RPS27A: variants seen among roughly 807,000 people sequenced by gnomAD.
RPS27A encodes the protein ribosomal protein S27a.
Under a neutral mutation model 18.9 loss-of-function variants are expected in RPS27A, and 1 was observed. That is an observed-to-expected ratio of 0.05 (90% confidence interval 0.02 to 0.25). The LOEUF is 0.25. Ranked by LOEUF, RPS27A falls within the 10% of genes least tolerant of loss-of-function variation. RPS27A has a pLI of 1.00. For missense variants in RPS27A, 123 were observed against 187.4 expected, an observed-to-expected ratio of 0.66 and a Z score of 2.01; for synonymous variants, 77 against 63.7, an observed-to-expected ratio of 1.21 and a Z score of -0.99.
At chr2:55,234,479 C>T (rs1055901841) in intron 4 of RPS27A, 12 of 557,104 alleles carry the variant, frequency 2.2e-5, no homozygotes, top group African/African-American at 1.3e-4. Context: ...GGATTACAGA[C>T]GTGAGCCACT....
intron 3 of RPS27A, 28 bp downstream of exon 3, chr2:55,233,445 C>G: frequency 6.3e-7 from 1 of 1,578,828 alleles, no homozygotes; most frequent in Non-Finnish European, 8.7e-7. Flanking sequence ...GTTAAGAAAA[C>G]TTAACCTGCG....
At chr2:55,234,464 C>T (rs1418425409) in intron 4 of RPS27A, 9 of 562,812 alleles carry the variant, frequency 1.6e-5, no homozygotes, top group African/African-American at 1.3e-4. Context: ...GGCCTCCCAG[C>T]GCTGGGATTA....
At chr2:55,233,003 G>T in intron 2 of RPS27A, 131 bp downstream of exon 2, 2 of 824,800 alleles carry the variant, frequency 2.4e-6, no homozygotes, top group South Asian at 2.9e-5. Flanking sequence ...GCTTTGAAAT[G>T]AGTACCTTTT....
At chr2:55,232,773 G>T in intron 1 of RPS27A, 35 bp from the exon 2 acceptor site, 2 of 1,547,862 alleles carry the variant, frequency 1.3e-6, no homozygotes, top group Non-Finnish European at 1.8e-6. Context: ...TGTGATCCCT[G>T]ACCTAACCTG....
chr2:55,232,769 C>G, intron 1 of RPS27A, 39 bp from the exon 2 acceptor site: 1 of 1,524,858 alleles, frequency 6.6e-7, no homozygotes, highest in Non-Finnish European at 9.0e-7. Context: ...CTCTTGTGAT[C>G]CCTGACCTAA....
intron 5 of RPS27A, 200 bp downstream of exon 5, chr2:55,235,162 G>T (rs772368391): frequency 4.6e-5 from 33 of 722,872 alleles, no homozygotes; most frequent in Middle Eastern, 3.9e-4. Flanking sequence ...TTATGTAATA[G>T]GGTTCTGAGT....
intron 2 of RPS27A, 145 bp from the exon 3 acceptor site, chr2:55,233,218 A>C (rs1675582070): frequency 1.3e-6 from 1 of 761,980 alleles, no homozygotes; most frequent in African/African-American, 1.7e-5. Context: ...CCGACTTGGG[A>C]GGTTGCCCAC....
upstream of RPS27A, chr2:55,232,204 T>C (rs1434543480): frequency 3.6e-5 from 6 of 164,848 alleles, no homozygotes; most frequent in Admixed American, 2.8e-4. Context: ...CCGGAAACCA[T>C]TATTCCGCTT....
chr2:55,235,688 G>C lies in RPS27A; in HGVS notation c.*111G>C. 1 of 1,223,862 alleles carries C rather than the reference G, an allele frequency of 8.2e-7. No homozygotes were observed. The highest frequency in any genetic ancestry group is 1.2e-6 in the Non-Finnish European group (1 of 843,804). The allele number at this position is 1,223,862 out of a possible 1,614,324, so 75.8% of individuals were successfully genotyped here. A position where few individuals can be genotyped will look rare whatever the true frequency, so the allele number is the denominator to read the frequency against. On this transcript the variant is annotated 3_prime_UTR_variant, in exon 6 of 6. Transcript: ENST00000272317. Reference sequence around the variant, plus strand: ...ATGGTCACACCATTTCCTTTTAGTAGTGCTACTGCTATCGCTGTGTGAATG... The same window carrying C: ...ATGGTCACACCATTTCCTTTTAGTACTGCTACTGCTATCGCTGTGTGAATG...
At chr2:55,233,956 G>C in intron 3 of RPS27A, 163 bp from the exon 4 acceptor site, 1 of 683,978 alleles carries the variant, frequency 1.5e-6, no homozygotes, top group South Asian at 1.6e-5. Context: ...ATTAAATGCG[G>C]TAAAATGTGA....
At position 55,235,794 on chromosome 2, in the gene RPS27A, A is replaced by T. The variant is rs1428283811; in HGVS notation, c.*217A>T. ...ACTTGTAAAGGTCTTGATATTTTCA[A>T]TTCTTAGACTACCTATACTTTGGCA... On this transcript the variant is annotated 3_prime_UTR_variant, in exon 6 of 6. Transcript: ENST00000272317. 2 of 596,666 alleles carry T rather than the reference A, an allele frequency of 3.4e-6. No individual in the cohort carries two copies. The highest frequency in any genetic ancestry group is 1.9e-5 in the African/African-American group (1 of 53,766). The allele number at this position is 596,666 out of a possible 1,614,324, so 37.0% of individuals were successfully genotyped here.
upstream of RPS27A, chr2:55,232,340 A>C: frequency 4.1e-6 from 1 of 244,762 alleles, no homozygotes; most frequent in South Asian, 4.8e-5. Flanking sequence ...GGTAGAAGAA[A>C]GCAGTGGAGA....
rs757196214 is a variant in RPS27A at position 55,235,460 on chromosome 2, T to C, written c.354T>C (p.Arg118=). 1 of 1,611,972 alleles carries C rather than the reference T, an allele frequency of 6.2e-7. No homozygotes were observed. Among genetic ancestry groups the C allele is most frequent in the Non-Finnish European group, 8.5e-7 (1 of 1,179,912 alleles). The change falls in exon 6 of 6, where the codon CGT becomes CGC. Residue 118 remains arginine (R), a synonymous_variant. Coordinates refer to ENST00000272317, the MANE Select transcript of RPS27A (RefSeq NM_002954.6). The part of the protein sequence containing the change: ...VDENGKISRL[R]RECPSDECGA... ...AGAATGGCAAAATTAGTCGCCTTCG[T>C]CGAGAGTGCCCTTCTGATGAATGTG...
chr2:55,233,099 G>C (rs905805240), intron 2 of RPS27A: 1 of 641,746 alleles, frequency 1.6e-6, no homozygotes, highest in Non-Finnish European at 2.8e-6. Flanking sequence ...TAGTTAAAAC[G>C]GAGGAGCTGC....
upstream of RPS27A, chr2:55,232,565 C>A (rs1316396812): frequency 1.1e-5 from 6 of 570,326 alleles, no homozygotes; most frequent in African/African-American, 3.8e-5. Context: ...AAGTTCACGT[C>A]CTAGTCTGGC....
Position 55,232,787 on chromosome 2 carries a change from C to G in RPS27A, c.-17-21C>G, listed in dbSNP as rs543843126. Reference sequence around the variant, plus strand: ...TTGTGATCCCTGACCTAACCTGTCTCTTCCTTTTCCTCAACCTCAGGTGGA... The same window carrying G: ...TTGTGATCCCTGACCTAACCTGTCTGTTCCTTTTCCTCAACCTCAGGTGGA... On this transcript the variant is annotated intron_variant, in intron 1 of 5. Transcript: ENST00000272317. 4.5e-5 allele frequency: 72 copies of G among 1,597,492 alleles called. 1 individual carries two copies. The South Asian group carries it at 7.9e-4, about 17-fold the overall frequency.
Position 55,233,375 on chromosome 2 carries a change from G to A in RPS27A, c.61G>A (p.Asp21Asn). The A allele has an allele frequency of 6.2e-7, 1 of 1,613,258 alleles. No individual in the cohort carries two copies. Among genetic ancestry groups the A allele is most frequent in the Non-Finnish European group, 8.5e-7 (1 of 1,179,228 alleles). ...TTAACACTCATAGGTTGAACCCTCG[G>A]ATACGATAGAAAATGTAAAGGCCAA... ...KTITLEVEPS[D>N]TIENVKAKIQ... The change falls in exon 3 of 6, where the codon GAT becomes AAT. Residue 21 changes from aspartate to asparagine, a missense_variant. By Grantham distance (23) the Asp-to-Asn change is conservative (BLOSUM62 1). Around this residue, in one of 2 missense-constraint regions of RPS27A, gnomAD observed 66 missense variants for 72.6 expected, o/e 0.91. Transcript: ENST00000272317.
intron 1 of RPS27A, 30 bp downstream of exon 1, chr2:55,232,738 G>C: frequency 1.6e-6 from 2 of 1,262,386 alleles, no homozygotes. Flanking sequence ...CTGCTCTCGG[G>C]TTAGCACCCT....
At chr2:55,233,068 T>TC (rs2104211975) in intron 2 of RPS27A, 196 bp downstream of exon 2, 1 of 666,408 alleles carries the variant, frequency 1.5e-6, no homozygotes, top group East Asian at 2.7e-5. Flanking sequence ...ACCTGTCTCC[T>TC]CTCGAGGGGT....
Sources: allele counts gnomAD v4.1 joint callset, GRCh38; gene constraint gnomAD v4.1.1; regional missense constraint gnomAD v4.1.1; transcripts MANE v1.5; gene names NCBI Gene and HGNC (gene_info 2026-07-23, HGNC 2026-07-21).